Variants in GPR158 observed in about 807,000 individuals in gnomAD.
The protein encoded by GPR158 is metabotropic glycine receptor.
Under a neutral mutation model 78.2 loss-of-function variants are expected in GPR158, and 30 were observed. That is an observed-to-expected ratio of 0.38 (90% CI 0.29 to 0.52). The LOEUF (loss-of-function observed/expected upper bound fraction) is 0.52. Among genes scored for constraint, GPR158 ranks in the 20% least tolerant of loss-of-function variants. The probability of loss-of-function intolerance (pLI) is 0.83; values close to 1 mark genes in which losing one functional copy is unlikely to be tolerated. For missense variants in GPR158, 1,463 were observed against 1,523.5 expected (o/e 0.96, Z 0.66); for synonymous variants, 581 against 591.1 (o/e 0.98, Z 0.25).
At chr10:25,431,532 T>A (rs1834905651) in intron 4 of GPR158, among the ~76,000 whole-genome samples, 1 of 142,860 alleles carries the variant, frequency 7.0e-6, no homozygotes, top group Non-Finnish European at 1.5e-5. Flanking sequence ...TGGCTATAAA[T>A]CATGCTGCTA....
At chr10:25,286,314 T>C (rs979504510) in intron 2 of GPR158, among the ~76,000 whole-genome samples, 1 of 152,138 alleles carries the variant, frequency 6.6e-6, no homozygotes, top group African/African-American at 2.4e-5. Context: ...TACTTTCTAT[T>C]GGCCTGTCTC....
At chr10:25,228,557 G>A (rs1357111865) in intron 2 of GPR158, among the ~76,000 whole-genome samples, 2 of 152,134 alleles carry the variant, frequency 1.3e-5, no homozygotes, top group Non-Finnish European at 2.9e-5. Context: ...CTCCAGTATG[G>A]TTTAAGGATT....
intron 5 of GPR158, among the ~76,000 whole-genome samples, chr10:25,494,847 A>G (rs1457311081): frequency 6.6e-6 from 1 of 152,178 alleles, no homozygotes; most frequent in African/African-American, 2.4e-5. Context: ...TGCTATTTTA[A>G]AATACATTTT....
At chr10:25,324,664 T>A (rs1159609990) in intron 2 of GPR158, among the ~76,000 whole-genome samples, 1 of 152,098 alleles carries the variant, frequency 6.6e-6, no homozygotes, top group Non-Finnish European at 1.5e-5. Context: ...AATGCATAGT[T>A]GCCACAAATC....
chr10:25,268,062 GC>G (rs1197192586), intron 2 of GPR158, among the ~76,000 whole-genome samples: 1 of 151,832 alleles, frequency 6.6e-6, no homozygotes, highest in African/African-American at 2.4e-5. Context: ...TTTTTTGCAA[GC>G]AGTAACCTTA....
intron 1 of GPR158, among the ~76,000 whole-genome samples, chr10:25,219,261 A>G (rs1412986350): frequency 6.6e-6 from 1 of 152,186 alleles, no homozygotes; most frequent in Non-Finnish European, 1.5e-5. Context: ...AAAATGTCTT[A>G]TGCCTTTTAC....
intron 1 of GPR158, among the ~76,000 whole-genome samples, chr10:25,216,249 A>G (rs1055102279): frequency 1.6e-4 from 24 of 152,216 alleles, no homozygotes; most frequent in African/African-American, 5.8e-4. Context: ...GTTTTCATCA[A>G]TCAATTTCAG....
intron 2 of GPR158, among the ~76,000 whole-genome samples, chr10:25,304,065 TTA>T (rs1854634044): frequency 6.6e-6 from 1 of 151,926 alleles, no homozygotes; most frequent in Non-Finnish European, 1.5e-5. Context: ...AGATTCATGT[TTA>T]TTCTTTATAA....
intron 2 of GPR158, among the ~76,000 whole-genome samples, chr10:25,283,440 T>C (rs144378964): frequency 3.5e-4 from 54 of 152,172 alleles, no homozygotes; most frequent in African/African-American, 1.3e-3. Context: ...AATTCTTTTT[T>C]GTGAAAAATC....
intron 2 of GPR158, among the ~76,000 whole-genome samples, chr10:25,248,194 T>C (rs1458981936): frequency 6.6e-6 from 1 of 151,976 alleles, no homozygotes; most frequent in African/African-American, 2.4e-5. Context: ...TTGGTTGAGT[T>C]CATTGTAGAT....
At position 25,598,099 on chromosome 10, in the gene GPR158, A is replaced by C. The variant is rs202234248; in HGVS notation, c.2473A>C (p.Arg825=). The C allele has an allele frequency of 3.1e-4, 501 of 1,614,112 alleles. No homozygotes were observed. The highest frequency in any genetic ancestry group is 5.2e-4 in the Admixed American group (31 of 60,028). The change falls in exon 11 of 11, where the codon AGA becomes CGA. Residue 825 remains arginine, a synonymous_variant. Transcript: ENST00000376351. ...KKSHSTYDHV[R]DQTEESSSLP... is the part of the protein sequence containing the mutation. ...ATCCCACAGCACTTATGACCACGTG[A>C]GAGACCAAACGGAAGAGTCCAGTAG...
chr10:25,385,079 GT>G lies in GPR158; in HGVS notation c.1009-10830del, dbSNP rs374614665. The stretch of plus-strand genomic sequence containing the variant: ...TGACAGAGCTCTAAAAATTTTTCAT[GT>G]TGCAAAATGGAAACTCTACACCCAT... On this transcript the variant is annotated intron_variant, in intron 2 of 10. Coordinates refer to ENST00000376351, the MANE Select transcript of GPR158 (RefSeq NM_020752.3). Among the ~76,000 whole-genome samples the G allele has an allele frequency of 2.3e-4, 35 of 152,096 alleles. 2 individuals are homozygous for G. The East Asian group carries it at 6.8e-3, about 29-fold the overall frequency.
At chr10:25,247,581 T>C (rs2130715856) in intron 2 of GPR158, among the ~76,000 whole-genome samples, 1 of 130,104 alleles carries the variant, frequency 7.7e-6, no homozygotes, top group African/African-American at 3.0e-5. Context: ...TTTTTTGTTC[T>C]TGCGATAGTT....
At chr10:25,383,847 C>A (rs1370181403) in intron 2 of GPR158, among the ~76,000 whole-genome samples, 1 of 152,174 alleles carries the variant, frequency 6.6e-6, no homozygotes, top group Non-Finnish European at 1.5e-5. Flanking sequence ...TGAGCCTATA[C>A]TTCCTAGGCA....
chr10:25,245,408 G>C (rs111656369), intron 2 of GPR158, among the ~76,000 whole-genome samples: 2,563 of 152,074 alleles, frequency 0.017, 58 homozygotes, highest in African/African-American at 0.049. Context: ...TCAGAGAAGA[G>C]GAAGAAAGGA....
At chr10:25,565,999 A>G (rs575375799) in intron 6 of GPR158, among the ~76,000 whole-genome samples, 5 of 152,346 alleles carry the variant, frequency 3.3e-5, no homozygotes, top group Admixed American at 2.0e-4. Flanking sequence ...AGCGAGAAAC[A>G]AAGGCAGTAA....
chr10:25,233,614 T>A (rs1853482715), intron 2 of GPR158, among the ~76,000 whole-genome samples: 2 of 152,240 alleles, frequency 1.3e-5, no homozygotes, highest in Admixed American at 1.3e-4. Context: ...TGTCTGCCAC[T>A]TTTTAAAATA....
At chr10:25,245,290 T>C (rs1853673849) in intron 2 of GPR158, among the ~76,000 whole-genome samples, 1 of 152,254 alleles carries the variant, frequency 6.6e-6, no homozygotes, top group African/African-American at 2.4e-5. Flanking sequence ...ATCAGGTCTT[T>C]AAGGGTGAGC....
At chr10:25,204,647 C>T (rs776065905) in intron 1 of GPR158, among the ~76,000 whole-genome samples, 27 of 151,998 alleles carry the variant, frequency 1.8e-4, no homozygotes, top group South Asian at 8.3e-4. Context: ...CTGTTGGATT[C>T]GGTTTGCCAG....
Sources: allele counts gnomAD v4.1 joint callset (sites outside exome capture counted in the v4.1 genomes callset), GRCh38; gene constraint gnomAD v4.1.1; transcripts MANE v1.5; gene names NCBI Gene and HGNC (gene_info 2026-07-23, HGNC 2026-07-21).